The following FOXJ2 variants were observed in gnomAD, a reference collection of about 807,000 sequenced individuals.
FOXJ2 encodes forkhead box J2, also known as forkhead box protein J2.
In FOXJ2, 18 loss-of-function variants were observed where a neutral mutation model predicts 68.4. The ratio of observed to expected loss-of-function variants is 0.26; its 90% CI spans 0.18 to 0.39. The LOEUF (loss-of-function observed/expected upper bound fraction) is 0.39. Among genes scored for constraint, FOXJ2 ranks in the 10% least tolerant of loss-of-function variants. The probability of loss-of-function intolerance (pLI) is 1.00; values close to 1 mark genes in which losing one functional copy is unlikely to be tolerated. For synonymous variants in FOXJ2, 274 were observed against 263.2 expected, an observed-to-expected ratio of 1.04 and a Z score of -0.40; for missense variants, 670 against 726.5, an observed-to-expected ratio of 0.92 and a Z score of 0.89.
chr12:8,044,558 A>C lies in FOXJ2; in HGVS notation c.619-202A>C, dbSNP rs76775170. Among the ~76,000 whole-genome samples, 967 of 152,298 alleles carry C rather than the reference A, an allele frequency of 6.3e-3. 10 individuals are homozygous for C. The Middle Eastern group carries it at 0.085, about 13-fold the overall frequency. Reference sequence around the variant, plus strand: ...CCTCAGAAACAAACAAACAAACAAAAAAGAAGAAATGGAGACTGATGAGAG... The same window carrying C: ...CCTCAGAAACAAACAAACAAACAAACAAGAAGAAATGGAGACTGATGAGAG... On this transcript the variant is annotated intron_variant, in intron 5 of 10. Transcript: ENST00000162391.
rs762767086 is a variant in FOXJ2 at position 8,044,341 on chromosome 12, G to A, written c.618+250G>A. Among the ~76,000 whole-genome samples, 3 of 152,310 alleles carry A rather than the reference G, an allele frequency of 2.0e-5. No homozygotes were observed. The East Asian group carries it at 5.8e-4, about 29-fold the overall frequency. On this transcript the variant is annotated intron_variant, in intron 5 of 10. Coordinates refer to ENST00000162391, the MANE Select transcript of FOXJ2 (RefSeq NM_018416.3). ...TGTAATGTCAGCACTTTGGGAGGTC[G>A]AGGCAGGCGGATCACGTGAGTCCAC... is the stretch of plus-strand genomic sequence containing the variant.
intron 2 of FOXJ2, among the ~76,000 whole-genome samples, chr12:8,041,324 C>G (rs1946961471): frequency 6.6e-6 from 1 of 151,876 alleles, no homozygotes; most frequent in African/African-American, 2.4e-5. Context: ...GCCTCAGCCT[C>G]CCGAGTAGCT....
At chr12:8,052,663 T>G in intron 10 of FOXJ2, 99 bp from the exon 11 acceptor site, 1 of 1,024,264 alleles carries the variant, frequency 9.8e-7, no homozygotes, top group Admixed American at 2.1e-5. Flanking sequence ...TCACAAGGCC[T>G]TCTTCGTGGT....
chr12:8,050,380 C>T, intron 9 of FOXJ2, 142 bp from the exon 10 acceptor site: 1 of 1,409,072 alleles, frequency 7.1e-7, no homozygotes, highest in African/African-American at 1.5e-5. Flanking sequence ...TGCAGAAAGC[C>T]TTCATGCCTG....
chr12:8,044,845 C>G lies in FOXJ2; in HGVS notation c.704C>G (p.Thr235Ser), dbSNP rs1290221042. The change falls in exon 6 of 11, where the codon ACC becomes AGC. Residue 235 changes from threonine to serine, a missense_variant. Coordinates refer to ENST00000162391, the MANE Select transcript of FOXJ2 (RefSeq NM_018416.3). ...SAEGPPPLYN[T>S]NHDFKFSYSE... ...GAGGGTCCCCCTCCCCTCTATAACA[C>G]CAACCATGACTTTAAATTCTCCTAC... 2 of 1,614,030 alleles carry G rather than the reference C, an allele frequency of 1.2e-6. No individual in the cohort carries two copies. Among genetic ancestry groups the G allele is most frequent in the Non-Finnish European group, 1.7e-6 (2 of 1,179,920 alleles).
At chr12:8,048,394 T>C in intron 7 of FOXJ2, 105 bp downstream of exon 7, 1 of 1,481,142 alleles carries the variant, frequency 6.8e-7, no homozygotes, top group Non-Finnish European at 8.9e-7. Context: ...GATGGGTCTT[T>C]TAGGCTTCGC....
chr12:8,041,539 G>T (rs764368811), intron 2 of FOXJ2, among the ~76,000 whole-genome samples: 35 of 150,384 alleles, frequency 2.3e-4, no homozygotes, highest in Non-Finnish European at 4.7e-4. Flanking sequence ...TTTAAGACAG[G>T]GTCTTGCTCT....
chr12:8,050,010 C>A, intron 9 of FOXJ2: 1 of 192,718 alleles, frequency 5.2e-6, no homozygotes, highest in Non-Finnish European at 1.1e-5. Context: ...GCTCTGTCGC[C>A]CAGGCTCTGG....
intron 9 of FOXJ2, 30 bp from the exon 10 acceptor site, chr12:8,050,492 A>T: frequency 6.2e-7 from 1 of 1,601,366 alleles, no homozygotes; most frequent in Non-Finnish European, 8.5e-7. Flanking sequence ...GCCCCCCCCA[A>T]CTCAAGTAAC....
intron 10 of FOXJ2, among the ~76,000 whole-genome samples, chr12:8,051,127 C>T (rs1488761473): frequency 6.8e-6 from 1 of 147,238 alleles, no homozygotes; most frequent in Non-Finnish European, 1.5e-5. Context: ...CTTCCCTTTC[C>T]CTTCCCCTTT....
At position 8,040,705 on chromosome 12, in the gene FOXJ2, G is replaced by A. The variant is rs140628369; in HGVS notation, c.333+540G>A. 1.7e-3 allele frequency among the ~76,000 whole-genome samples: 261 copies of A among 152,210 alleles called. 1 individual carries two copies. Among genetic ancestry groups the A allele is most frequent in the African/African-American group, 5.6e-3 (234 of 41,530 alleles). On this transcript the variant is annotated intron_variant, in intron 2 of 10. Transcript: ENST00000162391. This position sits in a 1 kb window ranked among gnomAD's most constrained non-coding sequence, Gnocchi z 4.0. ...CAAAGTGCTGAGATTACAGGCATGA[G>A]CCACTGCACCCGGCCCACATCCTCT...
Position 8,054,029 on chromosome 12 carries a change from A to G in FOXJ2, c.*1179A>G, listed in dbSNP as rs1947157428. ...TTGGTGGTAGGAGGATGGGGAGAGGAAAAAAGAGCTGGCAAAGAAATGGAT... is the reference window on the plus strand; with the variant it reads ...TTGGTGGTAGGAGGATGGGGAGAGGGAAAAAGAGCTGGCAAAGAAATGGAT... On this transcript the variant is annotated 3_prime_UTR_variant, in exon 11 of 11. Coordinates refer to ENST00000162391, the MANE Select transcript of FOXJ2 (RefSeq NM_018416.3). The G allele has an allele frequency of 6.6e-6, 1 of 152,228 alleles. No homozygotes were observed. Among genetic ancestry groups the G allele is most frequent in the Admixed American group, 6.5e-5 (1 of 15,286 alleles). 9.4% of individuals were successfully genotyped at this position (152,228 alleles called of 1,614,324 possible).
At position 8,049,464 on chromosome 12, in the gene FOXJ2, C is replaced by A. The variant is rs764281264; in HGVS notation, c.1430C>A (p.Thr477Asn). The part of the protein sequence containing the change: ...CDSLNHFLTQ[T>N]GHVPPQGGTH... The stretch of plus-strand genomic sequence containing the variant: ...TCCCTCAACCACTTCCTTACTCAGA[C>A]TGGTCACGTGCCCCCTCAAGGGGGT... Residue 477 changes from threonine to asparagine, a missense_variant, in exon 9 of 11, where the codon ACT becomes AAT. By Grantham distance (65) the Thr-to-Asn change is moderately conservative. This residue lies in a region of FOXJ2 where 555 missense variants were observed against 562.2 expected (regional missense o/e 0.99). Coordinates refer to ENST00000162391, the MANE Select transcript of FOXJ2 (RefSeq NM_018416.3). 6.2e-7 allele frequency: 1 copy of A among 1,614,214 alleles called. No individual in the cohort carries two copies. The highest frequency in any genetic ancestry group is 2.2e-5 in the East Asian group (1 of 44,888).
chr12:8,048,123 G>A lies in FOXJ2; in HGVS notation c.1059G>A (p.Gly353=). ...CCCCACCAGGGGGAAAGCAAGCTGG[G>A]GCGGAAGGCTATGGGCCTCCCCCTG... The part of the protein sequence containing the change: ...GCTPPGGKQA[G]AEGYGPPPVM... The change falls in exon 7 of 11, where the codon GGG becomes GGA. Residue 353 remains glycine (G), a synonymous_variant. Coordinates refer to ENST00000162391, the MANE Select transcript of FOXJ2 (RefSeq NM_018416.3). 1 of 1,613,336 alleles carries A rather than the reference G, an allele frequency of 6.2e-7. No individual in the cohort carries two copies. Among genetic ancestry groups the A allele is most frequent in the Non-Finnish European group, 8.5e-7 (1 of 1,179,566 alleles).
At position 8,055,457 on chromosome 12, in the gene FOXJ2, TTG is replaced by T. The variant is rs1947176227; in HGVS notation, c.*2609_*2610del. ...AGGGGGTATATGGTCTCACAAGTTG[TTG>T]TCATTGTTTTTTTGCATGCTTTCTT... On this transcript the variant is annotated 3_prime_UTR_variant, in exon 11 of 11. Coordinates refer to ENST00000162391, the MANE Select transcript of FOXJ2 (RefSeq NM_018416.3). 1 of 152,582 alleles carries T rather than the reference TTG, an allele frequency of 6.6e-6. No homozygotes were observed. Among genetic ancestry groups the T allele is most frequent in the Non-Finnish European group, 1.5e-5 (1 of 68,022 alleles). 9.5% of individuals were successfully genotyped at this position (152,582 alleles called of 1,614,324 possible).
chr12:8,049,478 C>G lies in FOXJ2; in HGVS notation c.1444C>G (p.Pro482Ala). ...HFLTQTGHVP[P>A]QGGTHRPPAP... Reference sequence around the variant, plus strand: ...CCTTACTCAGACTGGTCACGTGCCCCCTCAAGGGGGTACCCACCGCCCACC... The same window carrying G: ...CCTTACTCAGACTGGTCACGTGCCCGCTCAAGGGGGTACCCACCGCCCACC... The change falls in exon 9 of 11, where the codon CCT (proline) becomes GCT (alanine). Residue 482 changes from proline to alanine, a missense_variant. This residue lies in a region of FOXJ2 where 555 missense variants were observed against 562.2 expected (regional missense o/e 0.99). Transcript: ENST00000162391. The G allele has an allele frequency of 1.2e-6, 2 of 1,614,152 alleles. No homozygotes were observed. Among genetic ancestry groups the G allele is most frequent in the Non-Finnish European group, 8.5e-7 (1 of 1,180,020 alleles).
At position 8,049,499 on chromosome 12, in the gene FOXJ2, C is replaced by T. The variant is rs774779075; in HGVS notation, c.1465C>T (p.Pro489Ser). ...GCCCCCTCAAGGGGGTACCCACCGC[C>T]CACCAGCCCCTGCCCGTATTGCTGA... ...HVPPQGGTHR[P>S]PAPARIADSC... The change falls in exon 9 of 11, where the codon CCA becomes TCA. Residue 489 changes from proline to serine, a missense_variant. This residue lies in a region of FOXJ2 where 555 missense variants were observed against 562.2 expected (regional missense o/e 0.99). Transcript: ENST00000162391. 2 of 1,613,924 alleles carry T rather than the reference C, an allele frequency of 1.2e-6. No individual in the cohort carries two copies. Among genetic ancestry groups the T allele is most frequent in the African/African-American group, 2.7e-5 (2 of 74,946 alleles).
Position 8,048,165 on chromosome 12 carries a change from A to G in FOXJ2, c.1101A>G (p.Pro367=). ...YGPPPVMAMH[P]PPLQHGGYHP... ...CTCCCCCTGTAATGGCCATGCATCCACCCCCGCTGCAGCATGGAGGCTACC... is the reference window on the plus strand; with the variant it reads ...CTCCCCCTGTAATGGCCATGCATCCGCCCCCGCTGCAGCATGGAGGCTACC... The change falls in exon 7 of 11, where the codon CCA becomes CCG. Residue 367 remains proline (P), a synonymous_variant. Coordinates refer to ENST00000162391, the MANE Select transcript of FOXJ2 (RefSeq NM_018416.3). 5 of 1,613,274 alleles carry G rather than the reference A, an allele frequency of 3.1e-6. No individual in the cohort carries two copies. Among genetic ancestry groups the G allele is most frequent in the East Asian group, 2.2e-5 (1 of 44,842 alleles).
chr12:8,040,700 C>T lies in FOXJ2; in HGVS notation c.333+535C>T, dbSNP rs1183826506. Reference sequence around the variant, plus strand: ...CCTCCCAAAGTGCTGAGATTACAGGCATGAGCCACTGCACCCGGCCCACAT... The same window carrying T: ...CCTCCCAAAGTGCTGAGATTACAGGTATGAGCCACTGCACCCGGCCCACAT... On this transcript the variant is annotated intron_variant, in intron 2 of 10. Coordinates refer to ENST00000162391, the MANE Select transcript of FOXJ2 (RefSeq NM_018416.3). This position sits in a 1 kb window ranked among gnomAD's most constrained non-coding sequence, Gnocchi z 4.0. 2.6e-5 allele frequency among the ~76,000 whole-genome samples: 4 copies of T among 152,246 alleles called. No homozygotes were observed. Among genetic ancestry groups the T allele is most frequent in the Admixed American group, 2.0e-4 (3 of 15,276 alleles).
Sources: gnomAD v4.1 joint callset for allele counts (sites outside exome capture counted in the v4.1 genomes callset) on GRCh38, gnomAD v4.1.1 for gene constraint, gnomAD v4.1.1 regional missense constraint, Gnocchi (gnomAD v3.1) non-coding constraint, MANE v1.5 for transcripts, NCBI Gene and HGNC (gene_info 2026-07-23, HGNC 2026-07-21) for gene names.